The following VSIG1 variants were observed in gnomAD, a reference collection of about 807,000 sequenced individuals.
VSIG1 encodes V-set and immunoglobulin domain-containing protein 1.
Under a neutral mutation model 20.1 loss-of-function variants are expected in VSIG1, and 11 were observed. The ratio of observed to expected loss-of-function variants is 0.55; its 90% CI spans 0.34 to 0.91. The LOEUF (loss-of-function observed/expected upper bound fraction) is 0.91, where lower values mean the gene tolerates loss of function less well. Among genes scored for constraint, VSIG1 ranks in the 40% least tolerant of loss-of-function variants. VSIG1 has a pLI of 0.02. For missense variants in VSIG1, 283 were observed against 298.8 expected (o/e 0.95, Z 0.39); for synonymous variants, 126 against 116.7 (o/e 1.08, Z -0.52).
At position 108,078,464 on chromosome X, in the gene VSIG1, C is replaced by A. The variant is rs1387654598; in HGVS notation, c.*1083C>A. The stretch of plus-strand genomic sequence containing the variant: ...AATTAGCTGGGCGTGGTAGTGCATG[C>A]CTGTAATCCCAGCTACTTGGGAGGC... On this transcript the variant is annotated 3_prime_UTR_variant, in exon 7 of 7. Coordinates refer to ENST00000217957, the MANE Select transcript of VSIG1 (RefSeq NM_182607.5). 1 of 111,862 alleles carries A rather than the reference C, an allele frequency of 8.9e-6. No homozygotes were observed. Among genetic ancestry groups the A allele is most frequent in the African/African-American group, 3.3e-5 (1 of 30,765 alleles). The allele number at this position is 111,862 out of a possible 1,213,427, so 9.2% of individuals were successfully genotyped here.
the VSIG1 span, among the ~76,000 whole-genome samples, chrX:108,022,516 C>G: frequency 9.0e-6 from 1 of 111,453 alleles, no homozygotes; most frequent in African/African-American, 3.3e-5. Flanking sequence ...TCATTCTTTT[C>G]CTATATGGAT....
At chrX:108,076,951 C>A in intron 6 of VSIG1, 97 bp from the exon 7 acceptor site, 1 of 839,955 alleles carries the variant, frequency 1.2e-6, no homozygotes, top group Non-Finnish European at 1.7e-6. Flanking sequence ...AAGTCTGGGA[C>A]CTATGGTCAT....
At chrX:108,041,178 G>A (rs1449909601), upstream of VSIG1, among the ~76,000 whole-genome samples, 1 of 108,768 alleles carries the variant, frequency 9.2e-6, no homozygotes, top group Non-Finnish European at 1.9e-5. Flanking sequence ...TGGTGTGATA[G>A]GAACAGCTTC....
intron 5 of VSIG1, 118 bp from the exon 6 acceptor site, chrX:108,075,959 C>T: frequency 1.1e-6 from 1 of 915,583 alleles, no homozygotes; most frequent in East Asian, 3.1e-5. Flanking sequence ...ATTTCCCTAG[C>T]CTATACAAGT....
At chrX:108,064,021 G>A (rs1172491515) in intron 2 of VSIG1, among the ~76,000 whole-genome samples, 1 of 112,334 alleles carries the variant, frequency 8.9e-6, no homozygotes, top group Non-Finnish European at 1.9e-5. Flanking sequence ...GCCAGGCTTT[G>A]GCCACTGTTC....
intron 2 of VSIG1, chrX:108,064,805 C>T (rs1389240680): frequency 1.4e-6 from 1 of 722,614 alleles, no homozygotes; most frequent in East Asian, 1.6e-4. Flanking sequence ...ACAACAAGAC[C>T]TCAAACTGTC....
chrX:108,060,199 C>G lies in VSIG1; in HGVS notation c.213+1998C>G, dbSNP rs190819377. ...ATTTATTGAGTAGCTTATTTACTTG[C>G]CATTTGCTTCATTCTTCAAAATGTC... On this transcript the variant is annotated intron_variant, in intron 2 of 6. Transcript: ENST00000217957. 1.0e-3 allele frequency among the ~76,000 whole-genome samples: 115 copies of G among 111,733 alleles called. 1 individual carries two copies. Among genetic ancestry groups the G allele is most frequent in the Non-Finnish European group, 1.8e-3 (94 of 53,108 alleles).
At chrX:108,058,689 G>A (rs2030960920) in intron 2 of VSIG1, among the ~76,000 whole-genome samples, 1 of 111,508 alleles carries the variant, frequency 9.0e-6, no homozygotes, top group Non-Finnish European at 1.9e-5. Flanking sequence ...GGATGAAGAA[G>A]GGCCATAGTA....
Position 108,077,926 on chromosome X carries a change from CTCCAT to C in VSIG1, c.*546_*550del, listed in dbSNP as rs1196463156. On this transcript the variant is annotated 3_prime_UTR_variant, in exon 7 of 7. Coordinates refer to ENST00000217957, the MANE Select transcript of VSIG1 (RefSeq NM_182607.5). Reference sequence around the variant, plus strand: ...GTTTCACGTTGTTAGCCAGGATGGTCTCCATCTCCTGACCTCATGATCCGCCCACC... The same window carrying C: ...GTTTCACGTTGTTAGCCAGGATGGTCCTCCTGACCTCATGATCCGCCCACC... 2.7e-5 allele frequency: 3 copies of C among 111,855 alleles called. No individual in the cohort carries two copies. Among genetic ancestry groups the C allele is most frequent in the Non-Finnish European group, 5.6e-5 (3 of 53,503 alleles). The allele number at this position is 111,855 out of a possible 1,213,427, so 9.2% of individuals were successfully genotyped here. A position where few individuals can be genotyped will look rare whatever the true frequency, so the allele number is the denominator to read the frequency against.
rs1569287349 is a variant in VSIG1, at chrX:108,047,941, T to TATATATACAC, written c.49+2769_49+2770insCACATATATA. On this transcript the variant is annotated intron_variant, in intron 1 of 6. Transcript: ENST00000217957. ...ATACACATATATATATATACACATA[T>TATATATACAC]ATATATATATATACACACACATATA... Among the ~76,000 whole-genome samples, 19 of 26,424 alleles carry TATATATACAC rather than the reference T, an allele frequency of 7.2e-4. 1 individual carries two copies. Among genetic ancestry groups the TATATATACAC allele is most frequent in the African/African-American group, 3.3e-3 (14 of 4,181 alleles). The allele number at this position is 26,424 out of a possible 115,157, so 22.9% of individuals were successfully genotyped here.
At chrX:108,054,438 C>A (rs809881) in intron 1 of VSIG1, among the ~76,000 whole-genome samples, 1 of 111,236 alleles carries the variant, frequency 9.0e-6, no homozygotes, top group Non-Finnish European at 1.9e-5. Flanking sequence ...AATATTTTTA[C>A]GATTTTATAT....
chrX:108,025,558 C>T, the VSIG1 span, among the ~76,000 whole-genome samples: 3 of 112,196 alleles, frequency 2.7e-5, no homozygotes, highest in Admixed American at 1.9e-4. Flanking sequence ...CAAATATATG[C>T]GCAATTGTGT....
rs1172282311 is a variant in VSIG1 at position 108,047,961 on chromosome X, CATATATATAT to C, written c.49+2814_49+2823del. Among the ~76,000 whole-genome samples, 14 of 19,931 alleles carry C rather than the reference CATATATATAT, an allele frequency of 7.0e-4. 2 individuals are homozygous for C. Among genetic ancestry groups the C allele is most frequent in the South Asian group, 2.8e-3 (1 of 363 alleles). 17.3% of individuals were successfully genotyped at this position (19,931 alleles called of 115,157 possible). A position where few individuals can be genotyped will look rare whatever the true frequency, so the allele number is the denominator to read the frequency against. The stretch of plus-strand genomic sequence containing the variant: ...ACATATATATATATATATACACACA[CATATATATAT>C]ATATATATATATATATATATATATA... On this transcript the variant is annotated intron_variant, in intron 1 of 6. Transcript: ENST00000217957.
intron 2 of VSIG1, among the ~76,000 whole-genome samples, chrX:108,065,893 G>C (rs2147930016): frequency 9.0e-6 from 1 of 111,581 alleles, no homozygotes; most frequent in South Asian, 3.7e-4. Flanking sequence ...ATTCAGATGT[G>C]GAAAGTAAAG....
the VSIG1 span, among the ~76,000 whole-genome samples, chrX:108,030,636 TA>T: frequency 8.9e-6 from 1 of 112,149 alleles, no homozygotes; most frequent in Non-Finnish European, 1.9e-5. Context: ...TGAGCCAAAG[TA>T]GGATCGGGTT....
rs779307452 is a variant in VSIG1 at position 108,076,224 on chromosome X, C to A, written c.830+6C>A. ...AAGACCATCGCGGAACTTGAGTAAG[C>A]CTTCATTTTGTTGTCTTTACTTGAA... On this transcript the variant is annotated splice_donor_region_variant and intron_variant, in intron 6 of 6. Transcript: ENST00000217957. 2 of 1,202,682 alleles carry A rather than the reference C, an allele frequency of 1.7e-6. No homozygotes were observed. The highest frequency in any genetic ancestry group is 1.8e-5 in the African/African-American group (1 of 57,045).
In VSIG1 at chrX:108,076,189, A is replaced by G; in HGVS notation, c.801A>G (p.Glu267=). ...ARNKAKAKAK[E]RNSKTIAELE... is the part of the protein sequence containing the mutation. ...ATAAGGCAAAAGCAAAGGCAAAAGA[A>G]AGAAATTCTAAGACCATCGCGGAAC... is the stretch of plus-strand genomic sequence containing the variant. Residue 267 remains glutamate, a synonymous_variant, in exon 6 of 7, where the codon GAA becomes GAG. Coordinates refer to ENST00000217957, the MANE Select transcript of VSIG1 (RefSeq NM_182607.5). 8.3e-7 allele frequency: 1 copy of G among 1,210,448 alleles called. No individual in the cohort carries two copies. Among genetic ancestry groups the G allele is most frequent in the Non-Finnish European group, 1.1e-6 (1 of 894,743 alleles).
At chrX:108,034,953 C>CA in the VSIG1 span, among the ~76,000 whole-genome samples, 1 of 111,751 alleles carries the variant, frequency 8.9e-6, no homozygotes, top group Non-Finnish European at 1.9e-5. Flanking sequence ...AGACAAATGA[C>CA]CAACAATAAA....
intron 2 of VSIG1, among the ~76,000 whole-genome samples, chrX:108,059,139 T>C: frequency 8.9e-6 from 1 of 111,808 alleles, no homozygotes; most frequent in Middle Eastern, 4.6e-3. Context: ...TTGGAATAGT[T>C]GGATGCAGCT....
Sources: gnomAD v4.1 joint callset for allele counts (sites outside exome capture counted in the v4.1 genomes callset) on GRCh38, gnomAD v4.1.1 for gene constraint, MANE v1.5 for transcripts, NCBI Gene and HGNC (gene_info 2026-07-23, HGNC 2026-07-21) for gene names.